ACTR8: variants seen among roughly 807,000 people sequenced by gnomAD.
The protein encoded by ACTR8 is actin related protein 8, also known as actin-related protein 8.
In ACTR8, 70 loss-of-function variants were observed where a neutral mutation model predicts 84.3. The observed-to-expected ratio is 0.83, with a 90% CI of 0.68 to 1.01. ACTR8 has a LOEUF of 1.01. Among genes scored for constraint, ACTR8 ranks in the 50% least tolerant of loss-of-function variants. The pLI is 0.00. For synonymous variants in ACTR8, 268 were observed against 275.2 expected (o/e 0.97, Z 0.26); for missense variants, 672 against 775.4 (o/e 0.87, Z 1.58).
chr3:53,878,822 T>G (rs1201222489), intron 2 of ACTR8, among the ~76,000 whole-genome samples: 1 of 152,052 alleles, frequency 6.6e-6, no homozygotes, highest in African/African-American at 2.4e-5. Flanking sequence ...AGACCCTGTC[T>G]CAAGAAAAGA....
At chr3:53,881,899 C>A in intron 1 of ACTR8, 80 bp downstream of exon 1, 1 of 1,542,896 alleles carries the variant, frequency 6.5e-7, no homozygotes. Context: ...GACTCGAAGC[C>A]TCCCGCCGCC....
chr3:53,866,831 A>C (rs1444676405), downstream of ACTR8, among the ~76,000 whole-genome samples: 2 of 132,532 alleles, frequency 1.5e-5, no homozygotes, highest in Non-Finnish European at 3.3e-5. Context: ...TATTAGCATA[A>C]ATGTTTTTTT....
the ACTR8 span, chr3:53,859,934 C>T: frequency 1.7e-5 from 8 of 465,732 alleles, no homozygotes; most frequent in East Asian, 1.1e-4. Flanking sequence ...TGCTTGAACC[C>T]GGGAGACGGA....
At position 53,882,019 on chromosome 3, in the gene ACTR8, C is replaced by G; in HGVS notation, c.83G>C (p.Arg28Pro). 1 of 1,551,956 alleles carries G rather than the reference C, an allele frequency of 6.4e-7. No individual in the cohort carries two copies. Among genetic ancestry groups the G allele is most frequent in the Non-Finnish European group, 8.7e-7 (1 of 1,147,016 alleles). The part of the protein sequence containing the change: ...EKEKEQRGVK[R>P]PIVPALVPES... ...CGGCACCAGCGCGGGCACGATGGGC[C>G]GCTTCACGCCGCGCTGCTCCTTCTC... The change falls in exon 1 of 13, where the codon CGG (arginine) becomes CCG (proline). Residue 28 changes from arginine (R) to proline (P), a missense_variant. Coordinates refer to ENST00000335754, the MANE Select transcript of ACTR8 (RefSeq NM_022899.5).
chr3:53,868,613 G>T lies in ACTR8; in HGVS notation c.*106C>A. On this transcript the variant is annotated 3_prime_UTR_variant, in exon 13 of 13. Coordinates refer to ENST00000335754, the MANE Select transcript of ACTR8 (RefSeq NM_022899.5). Reference sequence around the variant, plus strand: ...AAGTTCAAATTCATTTACTGTCCATGACACTTAAGCATCCAGATCAATAAA... The same window carrying T: ...AAGTTCAAATTCATTTACTGTCCATTACACTTAAGCATCCAGATCAATAAA... 6.7e-7 allele frequency: 1 copy of T among 1,481,910 alleles called. No individual in the cohort carries two copies. The highest frequency in any genetic ancestry group is 9.1e-7 in the Non-Finnish European group (1 of 1,104,014). The allele number at this position is 1,481,910 out of a possible 1,614,324, so 91.8% of individuals were successfully genotyped here.
In ACTR8 at chr3:53,871,246, C is replaced by G. The variant is rs1173320326; in HGVS notation, c.1553G>C (p.Ser518Thr). 6.2e-7 allele frequency: 1 copy of G among 1,613,970 alleles called. No individual in the cohort carries two copies. The highest frequency in any genetic ancestry group is 8.5e-7 in the Non-Finnish European group (1 of 1,179,918). The change falls in exon 11 of 13, where the codon AGC (serine) becomes ACC (threonine). Residue 518 changes from serine (S) to threonine (T), a missense_variant. By Grantham distance (58) the Ser-to-Thr change is moderately conservative (BLOSUM62 1). Coordinates refer to ENST00000335754, the MANE Select transcript of ACTR8 (RefSeq NM_022899.5). Reference sequence around the variant, plus strand: ...GATGTGCTTACAACAGCAGTCTATGCTATGGAGGATGGCTTTATCCAGGCC... The same window carrying G: ...GATGTGCTTACAACAGCAGTCTATGGTATGGAGGATGGCTTTATCCAGGCC... The part of the protein sequence containing the change: ...ALGLDKAILH[S>T]IDCCSSDDTK...
rs1311443286 is a variant in ACTR8, at chr3:53,871,358, G to A, written c.1441C>T (p.Leu481=). ...VDLGSAQGDG[L]MAGNDSEEAL... is the part of the protein sequence containing the mutation. Reference sequence around the variant, plus strand: ...TCCTCGGAATCGTTGCCGGCCATCAGGCCATCTCCCTGTGCAGACCCCAAA... The same window carrying A: ...TCCTCGGAATCGTTGCCGGCCATCAAGCCATCTCCCTGTGCAGACCCCAAA... The change falls in exon 11 of 13, where the codon CTG becomes TTG. Residue 481 remains leucine (L), a synonymous_variant. Transcript: ENST00000335754. The A allele has an allele frequency of 3.1e-6, 5 of 1,614,126 alleles. No individual in the cohort carries two copies. In the South Asian group the frequency reaches 3.3e-5, roughly 11 times the overall value.
At position 53,870,100 on chromosome 3, in the gene ACTR8, A is replaced by C; in HGVS notation, c.1613T>G (p.Val538Gly). ...KKKMYSSILV[V>G]GGGLMFHKAQ... ...TTTATGAAACATCAAACCACCTCCC[A>C]CCACTAGGATGGAGCTGTACATCTT... Residue 538 changes from valine to glycine, a missense_variant, in exon 12 of 13, where the codon GTG (valine) becomes GGG (glycine). Val to Gly is a moderately radical substitution (Grantham distance 109). Coordinates refer to ENST00000335754, the MANE Select transcript of ACTR8 (RefSeq NM_022899.5). This position sits in a 1 kb window ranked among gnomAD's most constrained non-coding sequence, Gnocchi z 4.1. 1 of 1,614,182 alleles carries C rather than the reference A, an allele frequency of 6.2e-7. No homozygotes were observed.
downstream of ACTR8, chr3:53,866,973 T>G (rs1699799060): frequency 6.6e-6 from 1 of 152,226 alleles, no homozygotes; most frequent in African/African-American, 2.4e-5. Flanking sequence ...CCTTCTAATT[T>G]ATGTCTTACG....
At chr3:53,877,091 T>A in intron 5 of ACTR8, 123 bp downstream of exon 5, 17 of 907,332 alleles carry the variant, frequency 1.9e-5, no homozygotes, top group Non-Finnish European at 2.5e-5. Flanking sequence ...CCACCAAGAA[T>A]CCTCACCCTG....
Position 53,868,694 on chromosome 3 carries a change from T to C in ACTR8, c.*25A>G, listed in dbSNP as rs1314952547. On this transcript the variant is annotated 3_prime_UTR_variant, in exon 13 of 13. Coordinates refer to ENST00000335754, the MANE Select transcript of ACTR8 (RefSeq NM_022899.5). ...TATACCAAGAAGCTTGTTTTTGGTC[T>C]TCGGCAGTGACATTTCCTCCCCATT... The C allele has an allele frequency of 6.2e-7, 1 of 1,611,728 alleles. No homozygotes were observed. The highest frequency in any genetic ancestry group is 1.7e-5 in the Admixed American group (1 of 59,550).
At chr3:53,873,295 G>A in intron 8 of ACTR8, 168 bp from the exon 9 acceptor site, 1 of 448,666 alleles carries the variant, frequency 2.2e-6, no homozygotes, top group Non-Finnish European at 4.0e-6. Context: ...GTTGTACTTT[G>A]TTCCCCTATT....
chr3:53,863,850 TCTCA>T (rs1259068784), downstream of ACTR8, among the ~76,000 whole-genome samples: 1 of 143,432 alleles, frequency 7.0e-6, no homozygotes, highest in African/African-American at 2.6e-5. Context: ...TGAGACAGGG[TCTCA>T]CTCTGTTGCC....
At position 53,868,617 on chromosome 3, in the gene ACTR8, C is replaced by G. The variant is rs1699832690; in HGVS notation, c.*102G>C. Reference sequence around the variant, plus strand: ...TCAAATTCATTTACTGTCCATGACACTTAAGCATCCAGATCAATAAATTAC... The same window carrying G: ...TCAAATTCATTTACTGTCCATGACAGTTAAGCATCCAGATCAATAAATTAC... On this transcript the variant is annotated 3_prime_UTR_variant, in exon 13 of 13. Transcript: ENST00000335754. The G allele has an allele frequency of 6.7e-7, 1 of 1,499,288 alleles. No individual in the cohort carries two copies. The highest frequency in any genetic ancestry group is 1.4e-5 in the African/African-American group (1 of 71,322). 92.9% of individuals were successfully genotyped at this position (1,499,288 alleles called of 1,614,324 possible).
downstream of ACTR8, among the ~76,000 whole-genome samples, chr3:53,862,625 A>G (rs1699605584): frequency 6.6e-6 from 1 of 152,236 alleles, no homozygotes; most frequent in Non-Finnish European, 1.5e-5. Flanking sequence ...AAGAGAAGAC[A>G]ACCTGCTGGA....
rs756677285 is a variant in ACTR8, at chr3:53,876,047, G to C, written c.812C>G (p.Thr271Ser). 9.3e-6 allele frequency: 15 copies of C among 1,613,306 alleles called. No individual in the cohort carries two copies. Among genetic ancestry groups the C allele is most frequent in the Non-Finnish European group, 1.3e-5 (15 of 1,179,986 alleles). Residue 271 changes from threonine to serine, a missense_variant, in exon 7 of 13, where the codon ACC becomes AGC. Coordinates refer to ENST00000335754, the MANE Select transcript of ACTR8 (RefSeq NM_022899.5). ...IVVHQESVCA[T>S]YGSGLSSTCI... ...CGTGCTGCTTAAGCCACTTCCATAG[G>C]TGGCACACACAGACTCCTGATGGAC... is the stretch of plus-strand genomic sequence containing the variant.
At chr3:53,864,687 C>A, downstream of ACTR8, 3 of 1,279,348 alleles carry the variant, frequency 2.3e-6, no homozygotes, top group Non-Finnish European at 3.3e-6. Context: ...GGATGGTTTA[C>A]AGAGTGAAAG....
At chr3:53,868,930 T>G (rs1227805118) in intron 12 of ACTR8, 68 bp from the exon 13 acceptor site, 4 of 1,549,002 alleles carry the variant, frequency 2.6e-6, no homozygotes, top group Non-Finnish European at 3.5e-6. Context: ...TACTTGAATA[T>G]GGGGCCGAGA....
At chr3:53,864,145 G>A (rs1699681447), downstream of ACTR8, among the ~76,000 whole-genome samples, 2 of 152,228 alleles carry the variant, frequency 1.3e-5, no homozygotes, top group African/African-American at 4.8e-5. Context: ...TAAACCTAAA[G>A]TTTCTATGAA....
Sources: allele counts gnomAD v4.1 joint callset (sites outside exome capture counted in the v4.1 genomes callset), GRCh38; gene constraint gnomAD v4.1.1; non-coding constraint Gnocchi (gnomAD v3.1); transcripts MANE v1.5; gene names NCBI Gene and HGNC (gene_info 2026-07-23, HGNC 2026-07-21).